SLC19A1: variants seen among roughly 807,000 people sequenced by gnomAD.
SLC19A1 encodes the protein solute carrier family 19 member 1, also known as reduced folate transporter.
Under a neutral mutation model 35.3 loss-of-function variants are expected in SLC19A1, and 37 were observed. The ratio of observed to expected loss-of-function variants is 1.05; its 90% CI spans 0.81 to 1.38. SLC19A1 has a LOEUF of 1.38. Among genes scored for constraint, SLC19A1 ranks in the 40% most tolerant of loss-of-function variants. The pLI, the probability that SLC19A1 is intolerant of heterozygous loss-of-function variation, is 0.00. For synonymous variants in SLC19A1, 460 were observed against 398.5 expected, an observed-to-expected ratio of 1.15 and a Z score of -1.84; for missense variants, 831 against 826.9, an observed-to-expected ratio of 1.00 and a Z score of -0.06.
rs1402478709 is a variant in SLC19A1, at chr21:45,517,468, A to C, written c.1294-1328T>G. ...TTCACTCCCACTGGTTGGTAAAGAC[A>C]CCCACCCTCACCCCCAAGGAGTCAG... On this transcript the variant is annotated intron_variant, in intron 5 of 5. Coordinates refer to ENST00000311124, the MANE Select transcript of SLC19A1 (RefSeq NM_194255.4). The surrounding 1 kb of genome is among the most constrained non-coding windows in gnomAD (Gnocchi z 4.4). Among the ~76,000 whole-genome samples the C allele has an allele frequency of 1.3e-5, 2 of 151,970 alleles. No individual in the cohort carries two copies. The highest frequency in any genetic ancestry group is 4.8e-5 in the African/African-American group (2 of 41,364).
At chr21:45,522,105 A>T (rs2077455513) in intron 5 of SLC19A1, among the ~76,000 whole-genome samples, 1 of 152,262 alleles carries the variant, frequency 6.6e-6, no homozygotes, top group Non-Finnish European at 1.5e-5. Flanking sequence ...TATCTGGAAT[A>T]CACAAACCAT....
At position 45,530,794 on chromosome 21, in the gene SLC19A1, T is replaced by C. The variant is rs1212911112; in HGVS notation, c.1127A>G (p.Tyr376Cys). 6.4e-7 allele frequency: 1 copy of C among 1,563,994 alleles called. No homozygotes were observed. The highest frequency in any genetic ancestry group is 1.9e-5 in the Admixed American group (1 of 52,202). ...CGTGGCGATGGGCACGAGGAACTGG[T>C]AGGAGCCGCGGAACAGCACGAAGGC... ...YAAFVLFRGSYQFLVPIATFQ... is the reference protein window; with the variant it reads ...YAAFVLFRGSCQFLVPIATFQ... The change falls in exon 4 of 6, where the codon TAC (tyrosine) becomes TGC (cysteine). Residue 376 changes from tyrosine (Y) to cysteine (C), a missense_variant. Coordinates refer to ENST00000311124, the MANE Select transcript of SLC19A1 (RefSeq NM_194255.4). The surrounding 1 kb of genome is among the most constrained non-coding windows in gnomAD (Gnocchi z 5.3).
chr21:45,509,062 C>A (rs17004783), downstream of SLC19A1, among the ~76,000 whole-genome samples: 6 of 152,160 alleles, frequency 3.9e-5, no homozygotes, highest in East Asian at 7.7e-4. Flanking sequence ...ATTGGAGCCG[C>A]GGCAAAGGAG....
At chr21:45,552,954 C>A (rs1354121557) in intron 1 of SLC19A1, among the ~76,000 whole-genome samples, 1 of 152,024 alleles carries the variant, frequency 6.6e-6, no homozygotes. Flanking sequence ...CCAGCCCCAG[C>A]TCTCCGTGGC....
chr21:45,555,828 G>C (rs2078555730), intron 1 of SLC19A1, among the ~76,000 whole-genome samples: 1 of 152,144 alleles, frequency 6.6e-6, no homozygotes, highest in South Asian at 2.1e-4. Context: ...GTGCCGGGAG[G>C]GGGTCGCGGA....
chr21:45,515,880 C>G lies in SLC19A1; in HGVS notation c.1554G>C (p.Gln518His), dbSNP rs770372413. The G allele has an allele frequency of 2.1e-5, 33 of 1,573,186 alleles. No individual in the cohort carries two copies. The highest frequency in any genetic ancestry group is 2.8e-5 in the Non-Finnish European group (33 of 1,159,436). Reference protein sequence around the residue: ...LGAVGPASLEQRQSDPYLAQA... With the variant: ...LGAVGPASLEHRQSDPYLAQA... ...GGGCCAGGTATGGGTCGCTCTGTCT[C>G]TGCTCCAGGGAGGCTGGCCCCACAG... The change falls in exon 6 of 6, where the codon CAG (glutamine) becomes CAC (histidine). Residue 518 changes from glutamine to histidine, a missense_variant. Gln to His is a conservative substitution (Grantham distance 24). Transcript: ENST00000311124.
intron 3 of SLC19A1, chr21:45,505,400 G>GA: frequency 6.3e-7 from 1 of 1,588,920 alleles, no homozygotes; most frequent in Non-Finnish European, 8.6e-7. Context: ...GGGCCCCCTG[G>GA]GCCCCCTGGA....
downstream of SLC19A1, chr21:45,512,507 C>CT (rs2037671231): frequency 5.1e-6 from 5 of 980,390 alleles, no homozygotes; most frequent in Non-Finnish European, 7.9e-6. Flanking sequence ...GGCTGCCATA[C>CT]TTTCCTGTAT....
At chr21:45,507,308 G>A in intron 3 of SLC19A1, 1 of 583,586 alleles carries the variant, frequency 1.7e-6, no homozygotes. Context: ...GGCAGGGAGG[G>A]CACCCTCCTG....
upstream of SLC19A1, among the ~76,000 whole-genome samples, chr21:45,545,304 A>G (rs1448147608): frequency 3.3e-5 from 5 of 152,020 alleles, no homozygotes; most frequent in Non-Finnish European, 7.4e-5. Context: ...TAGCACCATC[A>G]CCTTGGTGAT....
At position 45,512,702 on chromosome 21, in the gene SLC19A1, AC is replaced by A. The variant is rs2037683013; in HGVS notation, c.*2955del. 1 of 462,254 alleles carries A rather than the reference AC, an allele frequency of 2.2e-6. No individual in the cohort carries two copies. Among genetic ancestry groups the A allele is most frequent in the Non-Finnish European group, 4.0e-6 (1 of 251,960 alleles). The allele number at this position is 462,254 out of a possible 1,614,324, so 28.6% of individuals were successfully genotyped here. On this transcript the variant is annotated 3_prime_UTR_variant, in exon 6 of 6. Coordinates refer to ENST00000311124, the MANE Select transcript of SLC19A1 (RefSeq NM_194255.4). Reference sequence around the variant, plus strand: ...TGCAACCTCTTGGCCTGATCAGACCACGGCTCGATTTCTCCAGGATTTCCTG... The same window carrying A: ...TGCAACCTCTTGGCCTGATCAGACCAGGCTCGATTTCTCCAGGATTTCCTG...
In SLC19A1 at chr21:45,533,979, C is replaced by T. The variant is rs906843579; in HGVS notation, c.190-1831G>A. Among the ~76,000 whole-genome samples the T allele has an allele frequency of 1.3e-5, 2 of 151,964 alleles. No homozygotes were observed. The highest frequency in any genetic ancestry group is 2.4e-5 in the African/African-American group (1 of 41,396). On this transcript the variant is annotated intron_variant, in intron 2 of 5. Coordinates refer to ENST00000311124, the MANE Select transcript of SLC19A1 (RefSeq NM_194255.4). The surrounding 1 kb of genome is among the most constrained non-coding windows in gnomAD (Gnocchi z 4.5). ...GCCCAGAGACCCCACCTCAGGGCAC[C>T]CTGAGGTCGCACCCTGGAGCCTGCA...
chr21:45,510,344 C>G, downstream of SLC19A1: 2 of 1,442,568 alleles, frequency 1.4e-6, no homozygotes, highest in Non-Finnish European at 1.9e-6. Flanking sequence ...GAGCTCCCCT[C>G]TAGGGCCTCT....
At position 45,516,408 on chromosome 21, in the gene SLC19A1, G is replaced by A. The variant is rs927160500; in HGVS notation, c.1294-268C>T. Among the ~76,000 whole-genome samples the A allele has an allele frequency of 7.9e-5, 12 of 152,190 alleles. No individual in the cohort carries two copies. In the South Asian group the frequency reaches 8.3e-4, roughly 11 times the overall value. On this transcript the variant is annotated intron_variant, in intron 5 of 5. Transcript: ENST00000311124. ...AACCTGGCAGGTGGCCTGCTTCTGCGTGGCCTGCGGTGTCTGCTCCCGAGT... is the reference window on the plus strand; with the variant it reads ...AACCTGGCAGGTGGCCTGCTTCTGCATGGCCTGCGGTGTCTGCTCCCGAGT...
intron 3 of SLC19A1, chr21:45,505,238 C>CCCCCCCGGG: frequency 3.8e-6 from 6 of 1,598,612 alleles, no homozygotes; most frequent in Non-Finnish European, 5.1e-6. Context: ...GCCCCCCAGG[C>CCCCCCCGGG]CCCCCAGGGC....
intron 3 of SLC19A1, chr21:45,507,310 A>G (rs2037270915): frequency 1.8e-6 from 1 of 547,772 alleles, no homozygotes; most frequent in East Asian, 3.2e-5. Context: ...CAGGGAGGGC[A>G]CCCTCCTGTG....
chr21:45,516,643 G>A (rs529832239), intron 5 of SLC19A1, among the ~76,000 whole-genome samples: 23 of 152,364 alleles, frequency 1.5e-4, no homozygotes, highest in African/African-American at 5.0e-4. Flanking sequence ...GCTGTGCTAC[G>A]ATGACCAGAA....
At chr21:45,510,357 AGG>A, downstream of SLC19A1, 1 of 1,359,406 alleles carries the variant, frequency 7.4e-7, no homozygotes, top group Non-Finnish European at 1.0e-6. Flanking sequence ...GGGCCTCTGG[AGG>A]CCACCATGTT....
downstream of SLC19A1, chr21:45,512,095 GGCCTCCT>G (rs1303882534): frequency 7.2e-7 from 1 of 1,388,700 alleles, no homozygotes; most frequent in Non-Finnish European, 1.0e-6. Context: ...CCCCAGGGCT[GGCCTCCT>G]GCCTCCACCT....
Sources: allele counts gnomAD v4.1 joint callset (sites outside exome capture counted in the v4.1 genomes callset), GRCh38; gene constraint gnomAD v4.1.1; non-coding constraint Gnocchi (gnomAD v3.1); transcripts MANE v1.5; gene names NCBI Gene and HGNC (gene_info 2026-07-23, HGNC 2026-07-21).